The following WDR43 variants were observed in gnomAD, a reference collection of about 807,000 sequenced individuals.
WDR43 encodes the protein WD repeat-containing protein 43.
WDR43 carries 13 observed loss-of-function variants against 91.4 expected under a neutral mutation model. The observed-to-expected ratio is 0.14, with a 90% confidence interval of 0.09 to 0.23. The LOEUF is 0.23. Ranked by LOEUF, WDR43 falls within the 10% of genes least tolerant of loss-of-function variation. The probability of loss-of-function intolerance (pLI) is 1.00; values close to 1 mark genes in which losing one functional copy is unlikely to be tolerated. For synonymous variants in WDR43, 331 were observed against 287.9 expected (o/e 1.15, Z -1.51); for missense variants, 780 against 809.4 (o/e 0.96, Z 0.44).
intron 6 of WDR43, 146 bp downstream of exon 6, chr2:28,918,141 G>A (rs1458586795): frequency 1.5e-6 from 1 of 685,738 alleles, no homozygotes. Context: ...ACTGTTCAAA[G>A]GAACTTAAAT....
chr2:28,943,195 G>A (rs923664357), intron 16 of WDR43, among the ~76,000 whole-genome samples: 1 of 151,830 alleles, frequency 6.6e-6, no homozygotes, highest in South Asian at 2.1e-4. Flanking sequence ...GCAGTGGCTC[G>A]AGGTCAATCA....
In WDR43 at chr2:28,935,577, C is replaced by T; in HGVS notation, c.1494C>T (p.Pro498=). The part of the protein sequence containing the change: ...NLIKKTVLRM[P]LHTIIPLLQE... ...TAAAGAAGACTGTATTAAGGATGCC[C>T]CTGCATACTATTATTCCGTTGTTAC... The change falls in exon 12 of 18, where the codon CCC becomes CCT. Residue 498 remains proline, a synonymous_variant. Coordinates refer to ENST00000407426, the MANE Select transcript of WDR43 (RefSeq NM_015131.3). 1 of 1,596,920 alleles carries T rather than the reference C, an allele frequency of 6.3e-7. No homozygotes were observed. Among genetic ancestry groups the T allele is most frequent in the Non-Finnish European group, 8.5e-7 (1 of 1,172,632 alleles).
intron 16 of WDR43, among the ~76,000 whole-genome samples, chr2:28,946,243 A>C (rs962793160): frequency 1.3e-5 from 2 of 152,064 alleles, no homozygotes; most frequent in African/African-American, 4.8e-5. Context: ...CCTGGGAGGC[A>C]GAGGTTGCAG....
intron 1 of WDR43, among the ~76,000 whole-genome samples, chr2:28,901,294 A>G (rs941714065): frequency 4.6e-5 from 7 of 152,238 alleles, no homozygotes; most frequent in African/African-American, 1.7e-4. Context: ...TTGGGAAGAC[A>G]TGAGCTGTTA....
At chr2:28,919,999 C>T (rs1333546929) in intron 6 of WDR43, among the ~76,000 whole-genome samples, 1 of 151,866 alleles carries the variant, frequency 6.6e-6, no homozygotes, top group African/African-American at 2.4e-5. Flanking sequence ...GCTACCATGC[C>T]TGGCGAATTT....
chr2:28,942,254 C>G, intron 15 of WDR43, 58 bp from the exon 16 acceptor site: 1 of 1,549,180 alleles, frequency 6.5e-7, no homozygotes. Context: ...TGCTGGTGGT[C>G]GTGATACTTG....
rs1474284756 is a variant in WDR43 at position 28,946,672 on chromosome 2, G to T, written c.1927G>T (p.Ala643Ser). 3 of 1,563,920 alleles carry T rather than the reference G, an allele frequency of 1.9e-6. No individual in the cohort carries two copies. Among genetic ancestry groups the T allele is most frequent in the African/African-American group, 1.4e-5 (1 of 73,746 alleles). ...GGACGTTGAAGAGGAAGATGAGGAT[G>T]CCGAAGGAAAAGATGAAGAAAATGG... The part of the protein sequence containing the change: ...DEDVEEEDED[A>S]EGKDEENGED... The change falls in exon 18 of 18, where the codon GCC (alanine) becomes TCC (serine). Residue 643 changes from alanine (A) to serine (S), a missense_variant. By Grantham distance (99) the Ala-to-Ser change is moderately conservative. This residue lies in a region of WDR43 where 426 missense variants were observed against 467.8 expected (regional missense o/e 0.91). Coordinates refer to ENST00000407426, the MANE Select transcript of WDR43 (RefSeq NM_015131.3).
rs541045872 is a variant in WDR43, at chr2:28,934,686, C to G, written c.1438-835C>G. 6.0e-4 allele frequency among the ~76,000 whole-genome samples: 91 copies of G among 152,268 alleles called. 1 individual carries two copies. Among genetic ancestry groups the G allele is most frequent in the African/African-American group, 2.1e-3 (87 of 41,540 alleles). On this transcript the variant is annotated intron_variant, in intron 11 of 17. Coordinates refer to ENST00000407426, the MANE Select transcript of WDR43 (RefSeq NM_015131.3). ...TGAGCTGTGATCATGTCAGTGCACTCCAGCCCAGACAGCAGAATGAGGCCC... is the reference window on the plus strand; with the variant it reads ...TGAGCTGTGATCATGTCAGTGCACTGCAGCCCAGACAGCAGAATGAGGCCC...
intron 7 of WDR43, 44 bp downstream of exon 7, chr2:28,923,027 G>T (rs764074684): frequency 3.9e-6 from 6 of 1,546,724 alleles, no homozygotes; most frequent in South Asian, 1.1e-5. Flanking sequence ...TTCTTTCCCT[G>T]ACTTGTTACT....
At chr2:28,939,693 A>G (rs1671398316) in intron 14 of WDR43, among the ~76,000 whole-genome samples, 2 of 152,254 alleles carry the variant, frequency 1.3e-5, no homozygotes, top group South Asian at 2.1e-4. Context: ...TTGGAATGCA[A>G]TGACCTTAAA....
Position 28,918,496 on chromosome 2 carries a change from G to A in WDR43, c.849+501G>A, listed in dbSNP as rs1168869842. Among the ~76,000 whole-genome samples the A allele has an allele frequency of 5.9e-5, 9 of 152,116 alleles. No homozygotes were observed. In the South Asian group the frequency reaches 1.7e-3, roughly 28 times the overall value. On this transcript the variant is annotated intron_variant, in intron 6 of 17. Coordinates refer to ENST00000407426, the MANE Select transcript of WDR43 (RefSeq NM_015131.3). The stretch of plus-strand genomic sequence containing the variant: ...CAACTCTCCTGCCTCAGCCTCCCGA[G>A]TAGCTGGGATTACAGGCATGTGCCA...
At chr2:28,933,571 CAG>C (rs1166708674) in intron 11 of WDR43, among the ~76,000 whole-genome samples, 1 of 152,170 alleles carries the variant, frequency 6.6e-6, no homozygotes, top group Non-Finnish European at 1.5e-5. Flanking sequence ...CTTGGAAAAA[CAG>C]TGTTAGGAGT....
At chr2:28,898,728 G>C (rs904024108) in intron 1 of WDR43, among the ~76,000 whole-genome samples, 2 of 152,014 alleles carry the variant, frequency 1.3e-5, no homozygotes, top group Admixed American at 1.3e-4. Context: ...GAAAGTATCA[G>C]AGTACTACTA....
intron 5 of WDR43, among the ~76,000 whole-genome samples, chr2:28,914,933 A>G (rs1670877611): frequency 6.6e-6 from 1 of 152,224 alleles, no homozygotes; most frequent in Non-Finnish European, 1.5e-5. Flanking sequence ...ATCTCAAAAA[A>G]TAAAAAATTT....
chr2:28,947,878 T>G lies in WDR43; in HGVS notation c.*1099T>G, dbSNP rs997463413. Reference sequence around the variant, plus strand: ...TATCAGTAGTAGTTTTTTTTTTTTTTTTTTTTTTTTTAAAGAATGAGCCGA... The same window carrying G: ...TATCAGTAGTAGTTTTTTTTTTTTTGTTTTTTTTTTTAAAGAATGAGCCGA... On this transcript the variant is annotated 3_prime_UTR_variant, in exon 18 of 18. Transcript: ENST00000407426. 22 of 149,740 alleles carry G rather than the reference T, an allele frequency of 1.5e-4. No homozygotes were observed. Among genetic ancestry groups the G allele is most frequent in the African/African-American group, 4.4e-4 (18 of 41,088 alleles). 9.3% of individuals were successfully genotyped at this position (149,740 alleles called of 1,614,324 possible).
At chr2:28,938,592 G>T (rs1671378254) in intron 14 of WDR43, among the ~76,000 whole-genome samples, 1 of 151,806 alleles carries the variant, frequency 6.6e-6, no homozygotes, top group South Asian at 2.1e-4. Context: ...TTTATCTAGT[G>T]CTTTACTTTA....
chr2:28,900,610 C>A (rs1413069143), intron 1 of WDR43, among the ~76,000 whole-genome samples: 1 of 152,110 alleles, frequency 6.6e-6, no homozygotes, highest in Admixed American at 6.5e-5. Flanking sequence ...ATTATTTTTG[C>A]CCCTGGAATC....
rs1670439223 is a variant in WDR43, at chr2:28,894,772, G to C, written c.74G>C (p.Ser25Thr). The change falls in exon 1 of 18, where the codon AGC becomes ACC. Residue 25 changes from serine to threonine, a missense_variant. Transcript: ENST00000407426. ...GTCCCTTGCGCCTTCTCCCCGCACA[G>C]CCAGGCCTACTTCGCTTTGGCCTCT... Reference protein sequence around the residue: ...AGVPCAFSPHSQAYFALASTD... With the variant: ...AGVPCAFSPHTQAYFALASTD... The C allele has an allele frequency of 1.2e-6, 2 of 1,606,146 alleles. No individual in the cohort carries two copies. The highest frequency in any genetic ancestry group is 4.5e-5 in the East Asian group (2 of 44,574).
chr2:28,912,781 C>CA (rs1670828058), intron 4 of WDR43, 71 bp downstream of exon 4: 1 of 1,552,358 alleles, frequency 6.4e-7, no homozygotes, highest in Non-Finnish European at 8.7e-7. Flanking sequence ...AAGTTTGAAC[C>CA]ATAAGATATT....
Sources: allele counts gnomAD v4.1 joint callset (sites outside exome capture counted in the v4.1 genomes callset), GRCh38; gene constraint gnomAD v4.1.1; regional missense constraint gnomAD v4.1.1; transcripts MANE v1.5; gene names NCBI Gene and HGNC (gene_info 2026-07-23, HGNC 2026-07-21).